The following PTPRN variants were observed in gnomAD, a reference collection of about 807,000 sequenced individuals.
PTPRN encodes the protein receptor-type tyrosine-protein phosphatase-like N.
In PTPRN, 70 loss-of-function variants were observed where a neutral mutation model predicts 108.5. That is an observed-to-expected ratio of 0.65 (90% CI 0.53 to 0.79). PTPRN has a LOEUF of 0.79. Among genes scored for constraint, PTPRN ranks in the 30% least tolerant of loss-of-function variants. The pLI is 0.00. For synonymous variants in PTPRN, 496 were observed against 524.6 expected, an observed-to-expected ratio of 0.95 and a Z score of 0.75; for missense variants, 1,136 against 1,295.5, an observed-to-expected ratio of 0.88 and a Z score of 1.89.
chr2:219,309,116 CCGAGCTTCA>C, intron 1 of PTPRN, 93 bp downstream of exon 1: 1 of 1,490,232 alleles, frequency 6.7e-7, no homozygotes, highest in South Asian at 1.2e-5. Flanking sequence ...CATATTCTCC[CCGAGCTTCA>C]TGACATTTCA....
At chr2:219,292,422 C>G (rs1952073342) in intron 19 of PTPRN, 1 of 152,200 alleles carries the variant, frequency 6.6e-6, no homozygotes, top group Non-Finnish European at 1.5e-5. Flanking sequence ...CAAGCCAGAA[C>G]CAGGGAAGAC....
chr2:219,296,775 T>C lies in PTPRN; in HGVS notation c.2284A>G (p.Ser762Gly), dbSNP rs1183124216. The C allele has an allele frequency of 6.2e-7, 1 of 1,613,934 alleles. No individual in the cohort carries two copies. The highest frequency in any genetic ancestry group is 8.5e-7 in the Non-Finnish European group (1 of 1,179,956). ...ATGGGGCTGGCGTTGATGTAATCGC[T>C]CCGAGAAGGGCTGCTCTCCACCTTC... ...KLKVESSPSR[S>G]DYINASPIIE... is the part of the protein sequence containing the mutation. Residue 762 changes from serine (S) to glycine (G), a missense_variant, in exon 16 of 23, where the codon AGC (serine) becomes GGC (glycine). Ser to Gly is a moderately conservative substitution (Grantham distance 56). Coordinates refer to ENST00000295718, the MANE Select transcript of PTPRN (RefSeq NM_002846.4). The surrounding 1 kb of genome is among the most constrained non-coding windows in gnomAD (Gnocchi z 6.0).
At chr2:219,298,987 G>C (rs1263236896) in intron 12 of PTPRN, 60 bp downstream of exon 12, 2 of 1,595,546 alleles carry the variant, frequency 1.3e-6, no homozygotes, top group African/African-American at 1.3e-5. Flanking sequence ...TTTGCCTCCA[G>C]CTCTTGCGGA....
rs1444999015 is a variant in PTPRN at position 219,302,698 on chromosome 2, G to A, written c.517C>T (p.Leu173=). The A allele has an allele frequency of 5.0e-6, 8 of 1,613,200 alleles. No homozygotes were observed. The African/African-American group carries it at 1.1e-4, about 22-fold the overall frequency. ...AGCAGCTCAGCCTGCAGAGGGGACA[G>A]AGAGGAGCTGGCCCCAGCTCCACCT... ...GKGGAGASSS[L]SPLQAELLPP... The change falls in exon 5 of 23, where the codon CTG becomes TTG. Residue 173 remains leucine (L), a synonymous_variant. Coordinates refer to ENST00000295718, the MANE Select transcript of PTPRN (RefSeq NM_002846.4).
In PTPRN at chr2:219,302,644, G is replaced by T; in HGVS notation, c.571C>A (p.Pro191Thr). Residue 191 changes from proline to threonine, a missense_variant, in exon 5 of 23, where the codon CCC becomes ACC. By Grantham distance (38) the Pro-to-Thr change is conservative. Coordinates refer to ENST00000295718, the MANE Select transcript of PTPRN (RefSeq NM_002846.4). ...AGTGAAGGGTGGGGAGGCTGTGGGGGCAGCAGCAGGTGCTCCAAGAGAGGC... is the reference window on the plus strand; with the variant it reads ...AGTGAAGGGTGGGGAGGCTGTGGGGTCAGCAGCAGGTGCTCCAAGAGAGGC... ...LPPLLEHLLL[P>T]PQPPHPSLSY... 2 of 1,613,808 alleles carry T rather than the reference G, an allele frequency of 1.2e-6. No individual in the cohort carries two copies. Among genetic ancestry groups the T allele is most frequent in the Non-Finnish European group, 1.7e-6 (2 of 1,179,916 alleles).
At chr2:219,305,404 G>A (rs757588604) in intron 3 of PTPRN, among the ~76,000 whole-genome samples, 9 of 152,132 alleles carry the variant, frequency 5.9e-5, no homozygotes, top group Non-Finnish European at 1.0e-4. Flanking sequence ...CACCATGCCT[G>A]GCTAATTTTT....
At chr2:219,306,796 C>T (rs1269180386) in intron 3 of PTPRN, among the ~76,000 whole-genome samples, 1 of 152,198 alleles carries the variant, frequency 6.6e-6, no homozygotes, top group Non-Finnish European at 1.5e-5. Context: ...TTCTGACAAA[C>T]TCCCCCACCT....
At position 219,302,674 on chromosome 2, in the gene PTPRN, G is replaced by A. The variant is rs1435547369; in HGVS notation, c.541C>T (p.Leu181Phe). The A allele has an allele frequency of 1.2e-6, 2 of 1,613,408 alleles. No homozygotes were observed. Among genetic ancestry groups the A allele is most frequent in the Non-Finnish European group, 1.7e-6 (2 of 1,179,860 alleles). Residue 181 changes from leucine to phenylalanine, a missense_variant, in exon 5 of 23, where the codon CTC (leucine) becomes TTC (phenylalanine). By Grantham distance (22) the Leu-to-Phe change is conservative. Transcript: ENST00000295718. ...SSLSPLQAEL[L>F]PPLLEHLLLP... ...AGCAGGTGCTCCAAGAGAGGCGGGA[G>A]CAGCTCAGCCTGCAGAGGGGACAGA... is the stretch of plus-strand genomic sequence containing the variant.
intron 6 of PTPRN, 134 bp from the exon 7 acceptor site, chr2:219,301,853 C>T (rs1952356553): frequency 1.7e-6 from 2 of 1,186,204 alleles, no homozygotes; most frequent in Admixed American, 2.8e-5. Context: ...AAGAGATGCC[C>T]TCCCTTTCCC....
At position 219,296,918 on chromosome 2, in the gene PTPRN, C is replaced by T. The variant is rs1952212332; in HGVS notation, c.2236+67G>A. The T allele has an allele frequency of 7.4e-6, 12 of 1,612,168 alleles. 1 individual carries two copies. Among genetic ancestry groups the T allele is most frequent in the Middle Eastern group, 1.7e-4 (1 of 6,030 alleles). On this transcript the variant is annotated intron_variant, in intron 15 of 22. Coordinates refer to ENST00000295718, the MANE Select transcript of PTPRN (RefSeq NM_002846.4). The surrounding 1 kb of genome is among the most constrained non-coding windows in gnomAD (Gnocchi z 6.0). ...CCTGAGCCAGAAGCCCAACCCCTTA[C>T]CCCAAGCCCTCCAGACCTCGCAGCA...
At chr2:219,303,607 C>T in intron 4 of PTPRN, 128 bp downstream of exon 4, 1 of 820,294 alleles carries the variant, frequency 1.2e-6, no homozygotes, top group South Asian at 1.5e-5. Flanking sequence ...ACCATTCCTG[C>T]ACCTCTTTAC....
At position 219,290,685 on chromosome 2, in the gene PTPRN, T is replaced by C; in HGVS notation, c.2795-74A>G. 6.7e-7 allele frequency: 1 copy of C among 1,489,646 alleles called. No homozygotes were observed. Among genetic ancestry groups the C allele is most frequent in the Non-Finnish European group, 9.2e-7 (1 of 1,087,118 alleles). 92.3% of individuals were successfully genotyped at this position (1,489,646 alleles called of 1,614,324 possible). A position where few individuals can be genotyped will look rare whatever the true frequency, so the allele number is the denominator to read the frequency against. On this transcript the variant is annotated intron_variant, in intron 21 of 22. Coordinates refer to ENST00000295718, the MANE Select transcript of PTPRN (RefSeq NM_002846.4). The surrounding 1 kb of genome is among the most constrained non-coding windows in gnomAD (Gnocchi z 4.2). ...GACAGGACCCAGAAAACCTGAGGCC[T>C]CCTGGAGGCAAAGAGCCTTGGAGGG...
In PTPRN at chr2:219,302,585, C is replaced by T. The variant is rs554917505; in HGVS notation, c.630G>A (p.Leu210=). Residue 210 remains leucine (L), a synonymous_variant, in exon 5 of 23, where the codon CTG becomes CTA. Transcript: ENST00000295718. ...AGAGTCAAGGACTTACCTGGTGGAA[C>T]AGGTAGGGCTGCAGCAAGGCAGGTT... ...SYEPALLQPY[L]FHQFGSRDGS... The T allele has an allele frequency of 6.2e-7, 1 of 1,613,956 alleles. No homozygotes were observed. Among genetic ancestry groups the T allele is most frequent in the South Asian group, 1.1e-5 (1 of 91,068 alleles).
intron 19 of PTPRN, chr2:219,292,338 G>A (rs1952071955): frequency 6.6e-6 from 1 of 152,406 alleles, no homozygotes; most frequent in African/African-American, 2.4e-5. Context: ...TCTCTCAATG[G>A]ACCCATCTAA....
intron 12 of PTPRN, 39 bp from the exon 13 acceptor site, chr2:219,298,142 T>C (rs777285832): frequency 1.9e-5 from 31 of 1,593,114 alleles, no homozygotes; most frequent in Non-Finnish European, 2.6e-5. Flanking sequence ...GGCAGTGGCA[T>C]AGGGAGGTTT....
Position 219,296,653 on chromosome 2 carries a change from G to A in PTPRN, c.2310+96C>T. 6.4e-7 allele frequency: 1 copy of A among 1,561,698 alleles called. No homozygotes were observed. The highest frequency in any genetic ancestry group is 8.8e-7 in the Non-Finnish European group (1 of 1,139,936). On this transcript the variant is annotated intron_variant, in intron 16 of 22. Transcript: ENST00000295718. This position sits in a 1 kb window ranked among gnomAD's most constrained non-coding sequence, Gnocchi z 6.0. Reference sequence around the variant, plus strand: ...GGATATCAGGCCCCACCACTCCAGGGGGTTGGTGGGGTGGCAGGTGACCAC... The same window carrying A: ...GGATATCAGGCCCCACCACTCCAGGAGGTTGGTGGGGTGGCAGGTGACCAC...
rs780804564 is a variant in PTPRN at position 219,302,173 on chromosome 2, G to C, written c.958C>G (p.Arg320Gly). ...GCTGGGGAAGCAGGCTTCTCTCCAC[G>C]ATCCCCTAGTCCTTCCTTCTCATAG... Reference protein sequence around the residue: ...EGYEKEGLGDRGEKPASPAVQ... With the variant: ...EGYEKEGLGDGGEKPASPAVQ... The change falls in exon 6 of 23, where the codon CGT becomes GGT. Residue 320 changes from arginine to glycine, a missense_variant. By Grantham distance (125) the Arg-to-Gly change is moderately radical. Transcript: ENST00000295718. 1.9e-6 allele frequency: 3 copies of C among 1,597,744 alleles called. No individual in the cohort carries two copies. Among genetic ancestry groups the C allele is most frequent in the Admixed American group, 1.7e-5 (1 of 59,022 alleles).
chr2:219,305,829 A>G (rs1952471094), intron 3 of PTPRN, among the ~76,000 whole-genome samples: 1 of 152,080 alleles, frequency 6.6e-6, no homozygotes, highest in Non-Finnish European at 1.5e-5. Flanking sequence ...TGACATCTCC[A>G]CTGATTCAGT....
At chr2:219,294,824 T>G in intron 19 of PTPRN, 151 bp downstream of exon 19, 4 of 798,916 alleles carry the variant, frequency 5.0e-6, no homozygotes, top group African/African-American at 1.9e-5. Flanking sequence ...AGGCCTGCTT[T>G]TAGGGGTGGG....
Sources: allele counts gnomAD v4.1 joint callset (sites outside exome capture counted in the v4.1 genomes callset), GRCh38; gene constraint gnomAD v4.1.1; non-coding constraint Gnocchi (gnomAD v3.1); transcripts MANE v1.5; gene names NCBI Gene and HGNC (gene_info 2026-07-23, HGNC 2026-07-21).